The following PROKR1 variants were observed in gnomAD, a reference collection of about 807,000 sequenced individuals.
PROKR1 encodes the protein G protein-coupled receptor 73.
Under a neutral mutation model 22.8 loss-of-function variants are expected in PROKR1, and 21 were observed. The observed-to-expected ratio is 0.92, with a 90% CI of 0.65 to 1.32. PROKR1 has a LOEUF of 1.32. Ranked by LOEUF, PROKR1 falls within the 40% of genes most tolerant of loss-of-function variation. The pLI, the probability that PROKR1 is intolerant of heterozygous loss-of-function variation, is 0.00. For missense variants in PROKR1, 548 were observed against 514.2 expected, an observed-to-expected ratio of 1.07 and a Z score of -0.64; for synonymous variants, 193 against 207.5, an observed-to-expected ratio of 0.93 and a Z score of 0.60.
chr2:68,653,516 G>T (rs77254932), intron 2 of PROKR1, among the ~76,000 whole-genome samples: 170 of 152,250 alleles, frequency 1.1e-3, no homozygotes, highest in African/African-American at 3.9e-3. Context: ...GGAAACAACC[G>T]GTTTGGCTTT....
chr2:68,646,455 T>C, intron 2 of PROKR1, 149 bp downstream of exon 2: 3 of 1,206,422 alleles, frequency 2.5e-6, no homozygotes, highest in African/African-American at 1.5e-5. Flanking sequence ...AGCTTGCCCA[T>C]TGACTGACAG....
intron 2 of PROKR1, among the ~76,000 whole-genome samples, chr2:68,648,190 G>C (rs61133160): frequency 3.9e-5 from 6 of 152,142 alleles, no homozygotes; most frequent in Admixed American, 3.9e-4. Context: ...CCACTTGAAC[G>C]GAGTAACAAT....
At chr2:68,644,850 C>G (rs1240876217) in intron 1 of PROKR1, among the ~76,000 whole-genome samples, 1 of 152,124 alleles carries the variant, frequency 6.6e-6, no homozygotes, top group African/African-American at 2.4e-5. Flanking sequence ...ACCCCTCACC[C>G]CAGCCCCATT....
At position 68,658,146 on chromosome 2, in the gene PROKR1, A is replaced by G. The variant is rs1354470031; in HGVS notation, c.*2570A>G. 1 of 152,192 alleles carries G rather than the reference A, an allele frequency of 6.6e-6. No homozygotes were observed. The highest frequency in any genetic ancestry group is 1.9e-4 in the East Asian group (1 of 5,198). The allele number at this position is 152,192 out of a possible 1,614,324, so 9.4% of individuals were successfully genotyped here. ...CTAAAATGTATCAATTTTTCACTCA[A>G]CTATCTGTGTTACTTCCAAATATTA... On this transcript the variant is annotated 3_prime_UTR_variant, in exon 3 of 3. Transcript: ENST00000303786.
intron 2 of PROKR1, among the ~76,000 whole-genome samples, chr2:68,652,638 T>C (rs1673356858): frequency 6.6e-6 from 1 of 151,836 alleles, no homozygotes; most frequent in Non-Finnish European, 1.5e-5. Context: ...AAAATTGCTG[T>C]GTATACAGAA....
chr2:68,649,426 C>T (rs1485433375), intron 2 of PROKR1: 3 of 152,212 alleles, frequency 2.0e-5, no homozygotes, highest in Non-Finnish European at 4.4e-5. Flanking sequence ...CCTGACAATC[C>T]ATCCTAAACT....
Position 68,655,774 on chromosome 2 carries a change from T to C in PROKR1, c.*198T>C, listed in dbSNP as rs1673441433. The C allele has an allele frequency of 3.2e-6, 2 of 620,434 alleles. No homozygotes were observed. The highest frequency in any genetic ancestry group is 5.7e-6 in the Non-Finnish European group (2 of 352,294). 38.4% of individuals were successfully genotyped at this position (620,434 alleles called of 1,614,324 possible). ...AGACACTATCAACAGTGGCATTTGCTGAATGTCTAATTTACACGCCAGTAG... is the reference window on the plus strand; with the variant it reads ...AGACACTATCAACAGTGGCATTTGCCGAATGTCTAATTTACACGCCAGTAG... On this transcript the variant is annotated 3_prime_UTR_variant, in exon 3 of 3. Coordinates refer to ENST00000303786, the MANE Select transcript of PROKR1 (RefSeq NM_138964.4).
At chr2:68,649,576 G>C (rs1271808228) in intron 2 of PROKR1, 3 of 152,222 alleles carry the variant, frequency 2.0e-5, no homozygotes, top group Non-Finnish European at 2.9e-5. Flanking sequence ...ACCAAAGGAT[G>C]GAGAGAGATC....
chr2:68,653,184 T>C (rs1169164260), intron 2 of PROKR1, among the ~76,000 whole-genome samples: 3 of 152,214 alleles, frequency 2.0e-5, no homozygotes, highest in African/African-American at 7.2e-5. Context: ...GCATTGACAA[T>C]GGCATTGCCA....
At chr2:68,653,102 G>T (rs28416779) in intron 2 of PROKR1, among the ~76,000 whole-genome samples, 3,347 of 152,328 alleles carry the variant, frequency 0.022, 117 homozygotes, top group African/African-American at 0.077. Flanking sequence ...CATTTTCATT[G>T]TGAGTCAGGG....
At chr2:68,644,783 G>T (rs1006391083) in intron 1 of PROKR1, among the ~76,000 whole-genome samples, 13 of 152,094 alleles carry the variant, frequency 8.5e-5, no homozygotes, top group African/African-American at 3.1e-4. Flanking sequence ...GAGAGCAGGG[G>T]ACAGGGGGAC....
At chr2:68,653,020 G>A (rs1295503978) in intron 2 of PROKR1, among the ~76,000 whole-genome samples, 1 of 152,224 alleles carries the variant, frequency 6.6e-6, no homozygotes, top group African/African-American at 2.4e-5. Flanking sequence ...TTCTTTCTCA[G>A]AGTAATCAGT....
intron 2 of PROKR1, among the ~76,000 whole-genome samples, chr2:68,647,794 A>C (rs1673222121): frequency 6.6e-6 from 1 of 151,966 alleles, no homozygotes; most frequent in Admixed American, 6.6e-5. Context: ...AATTCCCTCC[A>C]CTGAATCACA....
intron 1 of PROKR1, among the ~76,000 whole-genome samples, chr2:68,644,600 G>A (rs566585149): frequency 3.3e-5 from 5 of 152,302 alleles, no homozygotes; most frequent in Admixed American, 6.5e-5. Flanking sequence ...CTGGGGGTGG[G>A]GAGGTGGGGT....
At chr2:68,651,095 C>T (rs1165754741) in intron 2 of PROKR1, among the ~76,000 whole-genome samples, 1 of 152,142 alleles carries the variant, frequency 6.6e-6, no homozygotes, top group South Asian at 2.1e-4. Flanking sequence ...GGTGTGGTGG[C>T]TCACGCCTGT....
chr2:68,652,707 A>G (rs1240517662), intron 2 of PROKR1, among the ~76,000 whole-genome samples: 5 of 152,226 alleles, frequency 3.3e-5, no homozygotes, highest in Admixed American at 3.3e-4. Flanking sequence ...TTAATAGCTT[A>G]CTGTTGCTAT....
rs975919483 is a variant in PROKR1, at chr2:68,656,045, T to C, written c.*469T>C. The C allele has an allele frequency of 2.7e-5, 7 of 257,400 alleles. No homozygotes were observed. The highest frequency in any genetic ancestry group is 5.1e-5 in the Admixed American group (1 of 19,422). 15.9% of individuals were successfully genotyped at this position (257,400 alleles called of 1,614,324 possible). On this transcript the variant is annotated 3_prime_UTR_variant, in exon 3 of 3. Coordinates refer to ENST00000303786, the MANE Select transcript of PROKR1 (RefSeq NM_138964.4). Reference sequence around the variant, plus strand: ...GAATACGAAAGGGACTCTAGGCTCCTTCTGTAGCCCTTATCCTCTCATCTT... The same window carrying C: ...GAATACGAAAGGGACTCTAGGCTCCCTCTGTAGCCCTTATCCTCTCATCTT...
intron 2 of PROKR1, among the ~76,000 whole-genome samples, chr2:68,653,755 A>C (rs1673385077): frequency 6.6e-6 from 1 of 152,066 alleles, no homozygotes; most frequent in Non-Finnish European, 1.5e-5. Flanking sequence ...ATCAGCTCTC[A>C]TGCCGCACAA....
chr2:68,651,193 C>G (rs1673316729), intron 2 of PROKR1, among the ~76,000 whole-genome samples: 2 of 146,314 alleles, frequency 1.4e-5, no homozygotes, highest in African/African-American at 5.0e-5. Context: ...TAGATCCTGT[C>G]TCTACAAAAG....
Sources: gnomAD v4.1 joint callset for allele counts (sites outside exome capture counted in the v4.1 genomes callset) on GRCh38, gnomAD v4.1.1 for gene constraint, MANE v1.5 for transcripts, NCBI Gene and HGNC (gene_info 2026-07-23, HGNC 2026-07-21) for gene names.